Variants in C2CD3 observed in about 807,000 individuals in gnomAD.
The protein encoded by C2CD3 is C2 domain containing 3 centriole elongation regulator.
In C2CD3, 148 loss-of-function variants were observed where a neutral mutation model predicts 234.0. The observed-to-expected ratio is 0.63, with a 90% CI of 0.55 to 0.72. The LOEUF is 0.72. Among genes scored for constraint, C2CD3 ranks in the 30% least tolerant of loss-of-function variants. The pLI is 0.00. For missense variants in C2CD3, 2,577 were observed against 2,811.5 expected, an observed-to-expected ratio of 0.92 and a Z score of 1.89; for synonymous variants, 1,000 against 1,035.4, an observed-to-expected ratio of 0.97 and a Z score of 0.66.
Position 74,103,318 on chromosome 11 carries a change from G to A in C2CD3, c.2393C>T (p.Thr798Ile), listed in dbSNP as rs1956385595. 1 of 1,614,072 alleles carries A rather than the reference G, an allele frequency of 6.2e-7. No individual in the cohort carries two copies. Among genetic ancestry groups the A allele is most frequent in the African/African-American group, 1.3e-5 (1 of 74,922 alleles). Residue 798 changes from threonine to isoleucine, a missense_variant, in exon 14 of 33, where the codon ACA becomes ATA. Transcript: ENST00000334126. ...HNLVNQTNGT[T>I]KESALLLHVL... ...ATGCAACAGCAAAGCACTCTCTTTT[G>A]TTGTCCCATTTGTCTGATTGACTAA...
At chr11:74,041,956 G>C (rs1380594094) in intron 29 of C2CD3, 98 bp downstream of exon 29, 1 of 1,191,278 alleles carries the variant, frequency 8.4e-7, no homozygotes, top group African/African-American at 1.5e-5. Context: ...TTCCTAGGGC[G>C]GTGGCAGGTG....
chr11:74,153,210 AAAAACAAAACAAAACAAAAC>A (rs58806804), intron 3 of C2CD3, among the ~76,000 whole-genome samples: 6 of 148,144 alleles, frequency 4.1e-5, no homozygotes, highest in South Asian at 2.2e-4. Context: ...TCTGTCTCTT[AAAAACAAAACAAAACAAAAC>A]AAAACAAAAC....
chr11:74,130,151 A>T (rs984158462), intron 7 of C2CD3, among the ~76,000 whole-genome samples: 2 of 109,968 alleles, frequency 1.8e-5, no homozygotes, highest in Non-Finnish European at 3.7e-5. Context: ...GGGAGAGGGG[A>T]GAGGGGAGAG....
At position 74,109,839 on chromosome 11, in the gene C2CD3, G is replaced by A. The variant is rs745367806; in HGVS notation, c.1844-687C>T. Among the ~76,000 whole-genome samples, 6 of 152,150 alleles carry A rather than the reference G, an allele frequency of 3.9e-5. No individual in the cohort carries two copies. The East Asian group carries it at 9.7e-4, about 25-fold the overall frequency. On this transcript the variant is annotated intron_variant, in intron 11 of 32. Coordinates refer to ENST00000334126, the MANE Select transcript of C2CD3 (RefSeq NM_001286577.2). ...TGTAATCCCAGCACTTTGGGAGGCC[G>A]AGATGGGCAGATCACGAGGTCAGGA...
chr11:74,042,300 A>C, intron 28 of C2CD3, 82 bp from the exon 29 acceptor site: 4 of 1,361,584 alleles, frequency 2.9e-6, no homozygotes, highest in Non-Finnish European at 4.0e-6. Flanking sequence ...CAATAAACAA[A>C]TCACTATCCT....
In C2CD3 at chr11:74,117,361, A is replaced by AATATATATATATATATATATATATATAT. The variant is rs71469494; in HGVS notation, c.1520+839_1520+866dup. On this transcript the variant is annotated intron_variant, in intron 9 of 32. Coordinates refer to ENST00000334126, the MANE Select transcript of C2CD3 (RefSeq NM_001286577.2). ...ACATCGTCTAAGTCATTTGGCCTCA[A>AATATATATATATATATATATATATATAT]ATATATATATATATATATATATATA... 1.4e-4 allele frequency among the ~76,000 whole-genome samples: 13 copies of AATATATATATATATATATATATATATAT among 94,848 alleles called. 1 individual carries two copies. Among genetic ancestry groups the AATATATATATATATATATATATATATAT allele is most frequent in the African/African-American group, 2.4e-4 (6 of 24,652 alleles). The allele number at this position is 94,848 out of a possible 152,430, so 62.2% of individuals were successfully genotyped here. A position where few individuals can be genotyped will look rare whatever the true frequency, so the allele number is the denominator to read the frequency against.
chr11:74,140,912 A>G (rs767232611), intron 3 of C2CD3, among the ~76,000 whole-genome samples: 1 of 152,042 alleles, frequency 6.6e-6, no homozygotes, highest in Admixed American at 6.6e-5. Flanking sequence ...TTGTGAAAAG[A>G]CTCTCTAGTC....
intron 1 of C2CD3, among the ~76,000 whole-genome samples, chr11:74,169,107 A>T (rs1856987397): frequency 6.6e-6 from 1 of 152,214 alleles, no homozygotes; most frequent in Admixed American, 6.5e-5. Context: ...CCCTTCACTC[A>T]CAAACGATTT....
intron 3 of C2CD3, among the ~76,000 whole-genome samples, chr11:74,144,981 T>C (rs904587169): frequency 2.0e-5 from 3 of 152,226 alleles, no homozygotes; most frequent in African/African-American, 7.2e-5. Context: ...AGTATAATTA[T>C]TTAAAGCTAT....
intron 7 of C2CD3, among the ~76,000 whole-genome samples, chr11:74,131,964 G>C (rs1288304265): frequency 2.6e-5 from 4 of 152,190 alleles, no homozygotes; most frequent in Admixed American, 2.6e-4. Flanking sequence ...AATGTAGACA[G>C]TATCTTTTAT....
At position 74,122,914 on chromosome 11, in the gene C2CD3, G is replaced by T. The variant is rs1957266908; in HGVS notation, c.1365+74C>A. ...GGTAAGTTATGTAAAATGCATAGCT[G>T]TCATGCCTGCAGCTACTAATATTAT... On this transcript the variant is annotated intron_variant, in intron 8 of 32. Transcript: ENST00000334126. 7 of 1,253,094 alleles carry T rather than the reference G, an allele frequency of 5.6e-6. No homozygotes were observed. In the East Asian group the frequency reaches 1.2e-4, roughly 21 times the overall value. 77.6% of individuals were successfully genotyped at this position (1,253,094 alleles called of 1,614,324 possible).
rs573535787 is a variant in C2CD3 at position 74,128,182 on chromosome 11, A to G, written c.1217+4662T>C. Reference sequence around the variant, plus strand: ...CCAGCCATATTGGCTATCTTAATATATTTTTTGGACAAATGTTTATTCAGA... The same window carrying G: ...CCAGCCATATTGGCTATCTTAATATGTTTTTTGGACAAATGTTTATTCAGA... On this transcript the variant is annotated intron_variant, in intron 7 of 32. Transcript: ENST00000334126. Among the ~76,000 whole-genome samples, 16 of 152,192 alleles carry G rather than the reference A, an allele frequency of 1.1e-4. No homozygotes were observed. In the South Asian group the frequency reaches 3.3e-3, roughly 32 times the overall value.
chr11:74,068,080 T>C (rs1190690626), intron 24 of C2CD3, among the ~76,000 whole-genome samples: 1 of 152,110 alleles, frequency 6.6e-6, no homozygotes. Flanking sequence ...ACTTAAAAGA[T>C]TTAGTGGTTC....
chr11:74,153,904 G>T (rs1384445897), intron 3 of C2CD3, among the ~76,000 whole-genome samples: 1 of 151,674 alleles, frequency 6.6e-6, no homozygotes, highest in African/African-American at 2.4e-5. Flanking sequence ...AAGGAGTCTA[G>T]AAATAGACTC....
intron 32 of C2CD3, among the ~76,000 whole-genome samples, chr11:74,026,181 A>AC (rs1952289085): frequency 6.6e-6 from 1 of 152,032 alleles, no homozygotes; most frequent in Non-Finnish European, 1.5e-5. Context: ...GGTGGTGCAC[A>AC]CCTGTGGTCC....
chr11:74,078,792 C>A, intron 22 of C2CD3, 75 bp from the exon 23 acceptor site: 1 of 1,349,220 alleles, frequency 7.4e-7, no homozygotes, highest in Non-Finnish European at 1.0e-6. Flanking sequence ...CTCTCCACCC[C>A]ATAGTGTCCT....
chr11:74,028,736 C>T (rs574086139), intron 31 of C2CD3, among the ~76,000 whole-genome samples: 1 of 152,360 alleles, frequency 6.6e-6, no homozygotes, highest in South Asian at 2.1e-4. Flanking sequence ...TTTCCTCAAT[C>T]TTCCCTAAAT....
At chr11:74,091,051 GGGCAAT>G in intron 19 of C2CD3, 115 bp from the exon 20 acceptor site, 1 of 986,320 alleles carries the variant, frequency 1.0e-6, no homozygotes, top group Non-Finnish European at 1.5e-6. Context: ...CGAACAATAA[GGGCAAT>G]GAGAGAATCT....
At chr11:74,074,623 A>T (rs760690776) in intron 23 of C2CD3, 23 bp from the exon 24 acceptor site, 2 of 1,567,442 alleles carry the variant, frequency 1.3e-6, no homozygotes, top group South Asian at 2.3e-5. Context: ...GGAGAAGAAT[A>T]AGGCTAGTCA....
Sources: allele counts gnomAD v4.1 joint callset (sites outside exome capture counted in the v4.1 genomes callset), GRCh38; gene constraint gnomAD v4.1.1; transcripts MANE v1.5; gene names NCBI Gene and HGNC (gene_info 2026-07-23, HGNC 2026-07-21).